Variants in RSF1 observed in about 807,000 individuals in gnomAD.
The protein encoded by RSF1 is HBV pX-associated protein 8.
RSF1 carries 13 observed loss-of-function variants against 145.2 expected under a neutral mutation model. The ratio of observed to expected loss-of-function variants is 0.09; its 90% CI spans 0.06 to 0.14. The LOEUF (loss-of-function observed/expected upper bound fraction) is 0.14. RSF1 is among the 10% of genes least tolerant of loss of function. The pLI is 1.00. For missense variants in RSF1, 1,517 were observed against 1,718.2 expected (o/e 0.88, Z 2.07); for synonymous variants, 577 against 592.6 (o/e 0.97, Z 0.38).
intron 1 of RSF1, among the ~76,000 whole-genome samples, chr11:77,772,493 C>A (rs1240785284): frequency 6.6e-6 from 1 of 152,082 alleles, no homozygotes; most frequent in Admixed American, 6.6e-5. Context: ...TACTTTTCAT[C>A]ATTTCAAAGG....
At chr11:77,774,915 C>T (rs1229306344) in intron 1 of RSF1, among the ~76,000 whole-genome samples, 3 of 150,772 alleles carry the variant, frequency 2.0e-5, no homozygotes, top group Admixed American at 6.6e-5. Flanking sequence ...TACAGGCGCC[C>T]GCCACCATGC....
the RSF1 span, chr11:77,832,113 ATATC>A: frequency 6.6e-6 from 1 of 152,038 alleles, no homozygotes; most frequent in Admixed American, 6.6e-5. Flanking sequence ...CATACCTATG[ATATC>A]CACCATAATC....
chr11:77,707,502 C>T (rs576231173), intron 5 of RSF1, among the ~76,000 whole-genome samples: 1 of 152,200 alleles, frequency 6.6e-6, no homozygotes, highest in Non-Finnish European at 1.5e-5. Context: ...AAAATATAAG[C>T]TAAAACTAAA....
intron 1 of RSF1, among the ~76,000 whole-genome samples, chr11:77,801,495 T>A (rs1162782329): frequency 3.3e-5 from 5 of 152,222 alleles, no homozygotes; most frequent in African/African-American, 1.2e-4. Context: ...CCTAAAATCC[T>A]TGTAAATTCC....
intron 2 of RSF1, among the ~76,000 whole-genome samples, chr11:77,758,196 A>ATGGTTT (rs1948135117): frequency 6.6e-6 from 1 of 152,148 alleles, no homozygotes; most frequent in South Asian, 2.1e-4. Context: ...TAGGAAAGCA[A>ATGGTTT]TAACAAGTCT....
At chr11:77,800,755 A>C (rs978569500) in intron 1 of RSF1, among the ~76,000 whole-genome samples, 1 of 152,144 alleles carries the variant, frequency 6.6e-6, no homozygotes, top group Admixed American at 6.5e-5. Context: ...CCAGCTACAC[A>C]ACAGGCTGAG....
intron 4 of RSF1, among the ~76,000 whole-genome samples, chr11:77,729,830 T>C (rs546453222): frequency 4.3e-5 from 6 of 138,156 alleles, no homozygotes; most frequent in Middle Eastern, 4.4e-3. Context: ...ATTTTAAATA[T>C]ATGATTCCAG....
chr11:77,756,873 T>C (rs1480147702), intron 2 of RSF1, among the ~76,000 whole-genome samples: 1 of 152,190 alleles, frequency 6.6e-6, no homozygotes, highest in Non-Finnish European at 1.5e-5. Context: ...TAAAAGACAG[T>C]CTCTGCTCCA....
chr11:77,772,083 A>G (rs1319757088), intron 1 of RSF1, among the ~76,000 whole-genome samples: 3 of 152,194 alleles, frequency 2.0e-5, no homozygotes, highest in Admixed American at 1.3e-4. Context: ...CATGACTTTT[A>G]GTTTAATCAC....
chr11:77,764,825 G>C, intron 1 of RSF1, 136 bp from the exon 2 acceptor site: 1 of 571,824 alleles, frequency 1.7e-6, no homozygotes, highest in Non-Finnish European at 3.0e-6. Context: ...CTAACTTTTA[G>C]ACCTCTGAAT....
the RSF1 span, among the ~76,000 whole-genome samples, chr11:77,826,984 C>A: frequency 3.3e-5 from 5 of 151,898 alleles, no homozygotes; most frequent in Admixed American, 1.3e-4. Context: ...ACACACCCGT[C>A]GTCCCTGCTA....
chr11:77,856,546 A>G, the RSF1 span, among the ~76,000 whole-genome samples: 48 of 152,310 alleles, frequency 3.2e-4, 1 homozygote, highest in Admixed American at 3.1e-3. Flanking sequence ...GAGACTGGAT[A>G]GTTTCTAGAG....
At chr11:77,712,763 T>C (rs1350002455) in intron 5 of RSF1, among the ~76,000 whole-genome samples, 2 of 152,240 alleles carry the variant, frequency 1.3e-5, no homozygotes, top group Non-Finnish European at 2.9e-5. Flanking sequence ...TTTATTTATT[T>C]ATTCAAATTG....
At chr11:77,753,072 C>T (rs1183357257) in intron 2 of RSF1, among the ~76,000 whole-genome samples, 1 of 152,166 alleles carries the variant, frequency 6.6e-6, no homozygotes, top group Non-Finnish European at 1.5e-5. Context: ...CAAGAAATAA[C>T]CATAAAAATG....
chr11:77,679,313 C>T (rs931434072), intron 11 of RSF1, among the ~76,000 whole-genome samples: 2 of 152,190 alleles, frequency 1.3e-5, no homozygotes, highest in Admixed American at 1.3e-4. Context: ...TTTGCCAACT[C>T]CTAATTATAC....
At chr11:77,821,163 C>A, upstream of RSF1, 2 of 379,888 alleles carry the variant, frequency 5.3e-6, no homozygotes, top group Non-Finnish European at 9.4e-6. Flanking sequence ...GCGCAGATCC[C>A]GAAGCAGCGC....
At chr11:77,845,242 G>A in the RSF1 span, among the ~76,000 whole-genome samples, 75 of 152,092 alleles carry the variant, frequency 4.9e-4, no homozygotes, top group Middle Eastern at 6.8e-3. Flanking sequence ...ATTGATAGGC[G>A]TTAGGGTGTC....
intron 1 of RSF1, among the ~76,000 whole-genome samples, chr11:77,798,897 G>A (rs1948599651): frequency 6.6e-6 from 1 of 150,842 alleles, no homozygotes; most frequent in Non-Finnish European, 1.5e-5. Context: ...ACGGGTTGAT[G>A]GCACGTGTAT....
chr11:77,828,225 A>C, the RSF1 span, among the ~76,000 whole-genome samples: 3 of 152,054 alleles, frequency 2.0e-5, no homozygotes, highest in Non-Finnish European at 4.4e-5. Flanking sequence ...CAGTGAGCCA[A>C]AATTGCACCA....
Sources: gnomAD v4.1 joint callset for allele counts (sites outside exome capture counted in the v4.1 genomes callset) on GRCh38, gnomAD v4.1.1 for gene constraint, MANE v1.5 for transcripts, NCBI Gene and HGNC (gene_info 2026-07-23, HGNC 2026-07-21) for gene names.